Variants in PCDH9 observed in about 807,000 individuals in gnomAD.
The protein encoded by PCDH9 is protocadherin-9.
A neutral mutation model predicts 70.6 loss-of-function variants in PCDH9; 24 were observed. That is an observed-to-expected ratio of 0.34 (90% CI 0.25 to 0.48). The LOEUF is 0.48. Among genes scored for constraint, PCDH9 ranks in the 20% least tolerant of loss-of-function variants. PCDH9 has a pLI of 0.99. For missense variants in PCDH9, 1,281 were observed against 1,503.6 expected, an observed-to-expected ratio of 0.85 and a Z score of 2.45; for synonymous variants, 562 against 558.5, an observed-to-expected ratio of 1.01 and a Z score of -0.09.
chr13:66,902,010 C>T (rs902987660), intron 3 of PCDH9, among the ~76,000 whole-genome samples: 1 of 151,508 alleles, frequency 6.6e-6, no homozygotes, highest in Non-Finnish European at 1.5e-5. Flanking sequence ...TTAATCTTTA[C>T]TTATGAGAAA....
chr13:67,172,941 T>C (rs1243012683), intron 2 of PCDH9, among the ~76,000 whole-genome samples: 5 of 149,744 alleles, frequency 3.3e-5, no homozygotes, highest in Non-Finnish European at 7.4e-5. Flanking sequence ...GAAGTTAACA[T>C]TTTTTAAAGT....
intron 4 of PCDH9, among the ~76,000 whole-genome samples, chr13:66,610,067 C>G (rs2077273763): frequency 6.6e-6 from 1 of 151,382 alleles, no homozygotes; most frequent in Admixed American, 6.6e-5. Flanking sequence ...ACGCCATTCT[C>G]CTGCCTCAGC....
chr13:67,033,703 A>T (rs2084952692), intron 2 of PCDH9, among the ~76,000 whole-genome samples: 1 of 152,192 alleles, frequency 6.6e-6, no homozygotes, highest in Non-Finnish European at 1.5e-5. Flanking sequence ...CAGAACTGCC[A>T]ATCACTCTGC....
intron 4 of PCDH9, among the ~76,000 whole-genome samples, chr13:66,496,654 T>C (rs1427812199): frequency 1.3e-5 from 2 of 152,184 alleles, no homozygotes; most frequent in South Asian, 2.1e-4. Flanking sequence ...AAGTCAGTTA[T>C]TATGGAAACA....
At chr13:66,617,432 C>T (rs963703309) in intron 4 of PCDH9, among the ~76,000 whole-genome samples, 3 of 152,140 alleles carry the variant, frequency 2.0e-5, no homozygotes, top group East Asian at 1.9e-4. Flanking sequence ...CTTTCTTTTT[C>T]CTTTCTTCTC....
At chr13:66,544,616 G>A (rs974092362) in intron 4 of PCDH9, among the ~76,000 whole-genome samples, 1 of 152,088 alleles carries the variant, frequency 6.6e-6, no homozygotes, top group Non-Finnish European at 1.5e-5. Context: ...GTAGACAACT[G>A]TATCTGCAGG....
chr13:66,469,614 C>T (rs1262088382), intron 4 of PCDH9, among the ~76,000 whole-genome samples: 1 of 152,048 alleles, frequency 6.6e-6, no homozygotes, highest in Non-Finnish European at 1.5e-5. Context: ...GATATTATTT[C>T]TTCTATGCCA....
At chr13:66,815,308 C>T (rs1185923002) in intron 3 of PCDH9, among the ~76,000 whole-genome samples, 2 of 152,080 alleles carry the variant, frequency 1.3e-5, no homozygotes, top group Non-Finnish European at 2.9e-5. Context: ...AAAGAGATTG[C>T]TATACACTGC....
chr13:66,689,235 T>C (rs2083294556), intron 3 of PCDH9, among the ~76,000 whole-genome samples: 1 of 152,158 alleles, frequency 6.6e-6, no homozygotes, highest in African/African-American at 2.4e-5. Flanking sequence ...TATACAGCCC[T>C]CTAGTGTTCC....
intron 2 of PCDH9, among the ~76,000 whole-genome samples, chr13:67,038,663 T>G (rs1360176039): frequency 6.6e-6 from 1 of 152,230 alleles, no homozygotes; most frequent in Non-Finnish European, 1.5e-5. Flanking sequence ...TAATCCACTC[T>G]TCTTCATACT....
At chr13:67,153,790 T>C (rs2138393722) in intron 2 of PCDH9, among the ~76,000 whole-genome samples, 1 of 152,366 alleles carries the variant, frequency 6.6e-6, no homozygotes, top group Non-Finnish European at 1.5e-5. Flanking sequence ...GTTTACCATT[T>C]GCTGAAATAA....
At chr13:66,957,067 G>C (rs919790083) in intron 2 of PCDH9, among the ~76,000 whole-genome samples, 1 of 152,098 alleles carries the variant, frequency 6.6e-6, no homozygotes, top group African/African-American at 2.4e-5. Flanking sequence ...ACATAACAAT[G>C]CTTTGTAGTT....
chr13:67,149,813 G>A (rs975809420), intron 2 of PCDH9, among the ~76,000 whole-genome samples: 41 of 151,848 alleles, frequency 2.7e-4, no homozygotes, highest in Non-Finnish European at 4.1e-4. Flanking sequence ...GCTTTTAGCC[G>A]AACACTTTCA....
At chr13:66,459,369 A>G (rs1958377477) in intron 4 of PCDH9, among the ~76,000 whole-genome samples, 1 of 152,012 alleles carries the variant, frequency 6.6e-6, no homozygotes, top group Non-Finnish European at 1.5e-5. Context: ...ACATTGGGTA[A>G]GATCTCCGGA....
At position 67,195,148 on chromosome 13, in the gene PCDH9, T is replaced by G. The variant is rs570653693; in HGVS notation, c.3036+30257A>C. 2.7e-5 allele frequency among the ~76,000 whole-genome samples: 4 copies of G among 149,858 alleles called. No homozygotes were observed. The East Asian group carries it at 7.8e-4, about 29-fold the overall frequency. ...ATGTCTTGACTATTATTTTCATACTTTCTTTTTTTTTTTTTGAGACAGAGT... is the reference window on the plus strand; with the variant it reads ...ATGTCTTGACTATTATTTTCATACTGTCTTTTTTTTTTTTTGAGACAGAGT... On this transcript the variant is annotated intron_variant, in intron 2 of 4. Coordinates refer to ENST00000377865, the MANE Select transcript of PCDH9 (RefSeq NM_203487.3).
At chr13:66,663,615 T>C (rs2078050698) in intron 3 of PCDH9, among the ~76,000 whole-genome samples, 1 of 152,210 alleles carries the variant, frequency 6.6e-6, no homozygotes, top group Non-Finnish European at 1.5e-5. Flanking sequence ...TTGACACTAA[T>C]GACCTGTAAA....
At chr13:67,133,302 A>C (rs561670332) in intron 2 of PCDH9, among the ~76,000 whole-genome samples, 81 of 152,252 alleles carry the variant, frequency 5.3e-4, no homozygotes, top group African/African-American at 1.9e-3. Flanking sequence ...ACAGGATAGA[A>C]ATAGGGACAA....
At chr13:66,458,752 CT>C (rs1228596416) in intron 4 of PCDH9, among the ~76,000 whole-genome samples, 1 of 151,994 alleles carries the variant, frequency 6.6e-6, no homozygotes, top group Non-Finnish European at 1.5e-5. Flanking sequence ...TTGCTGTGAC[CT>C]TACCAAACCT....
intron 3 of PCDH9, among the ~76,000 whole-genome samples, chr13:66,720,771 T>C (rs1327956685): frequency 6.6e-6 from 1 of 152,136 alleles, no homozygotes; most frequent in Admixed American, 6.5e-5. Flanking sequence ...AAAATTAGGA[T>C]AGCAATAAAT....
Sources: allele counts gnomAD v4.1 joint callset (sites outside exome capture counted in the v4.1 genomes callset), GRCh38; gene constraint gnomAD v4.1.1; transcripts MANE v1.5; gene names NCBI Gene and HGNC (gene_info 2026-07-23, HGNC 2026-07-21).